The following TEX11 variants were observed in gnomAD, a reference collection of about 807,000 sequenced individuals.
The protein encoded by TEX11 is testis expressed 11.
In TEX11, 7 loss-of-function variants were observed where a neutral mutation model predicts 84.4. The observed-to-expected ratio is 0.08, with a 90% CI of 0.05 to 0.16. The LOEUF (loss-of-function observed/expected upper bound fraction) is 0.16. Among genes scored for constraint, TEX11 ranks in the 10% least tolerant of loss-of-function variants. TEX11 has a pLI of 1.00. For synonymous variants in TEX11, 264 were observed against 222.8 expected, an observed-to-expected ratio of 1.18 and a Z score of -1.64; for missense variants, 551 against 660.5, an observed-to-expected ratio of 0.83 and a Z score of 1.82.
At chrX:70,512,655 A>G in the TEX11 span, among the ~76,000 whole-genome samples, 4 of 108,928 alleles carry the variant, frequency 3.7e-5, no homozygotes, top group Admixed American at 3.9e-4. Flanking sequence ...TTCCCCTATC[A>G]GACTATAAGC....
chrX:70,594,487 A>G (rs1360011287), intron 24 of TEX11, among the ~76,000 whole-genome samples: 1 of 111,531 alleles, frequency 9.0e-6, no homozygotes, highest in Non-Finnish European at 1.9e-5. Flanking sequence ...TTTTAAAAAA[A>G]CAATATATAT....
At chrX:70,776,578 A>G (rs930994559) in intron 9 of TEX11, among the ~76,000 whole-genome samples, 14 of 109,960 alleles carry the variant, frequency 1.3e-4, no homozygotes, top group East Asian at 2.8e-4. Flanking sequence ...AAAAAAAAAA[A>G]AAGAAGAAGA....
chrX:70,591,808 G>A lies in TEX11; in HGVS notation c.2083C>T (p.Arg695Cys), dbSNP rs757962095. Residue 695 changes from arginine to cysteine, a missense_variant, in exon 25 of 30, where the codon CGT (arginine) becomes TGT (cysteine). Coordinates refer to ENST00000374333, the MANE Select transcript of TEX11 (RefSeq NM_031276.3). The stretch of plus-strand genomic sequence containing the variant: ...CATGTCTGGATCTCCTCAAGTGCAC[G>A]ACTCAGGAACATGGTCTGTTTGGCA... ...TAFEQTMFLS[R>C]ALEEIQTCND... The A allele has an allele frequency of 7.4e-6, 9 of 1,208,446 alleles. No individual in the cohort carries two copies. Among genetic ancestry groups the A allele is most frequent in the South Asian group, 3.5e-5 (2 of 56,384 alleles).
chrX:70,610,634 G>A (rs1361697390), intron 20 of TEX11, 91 bp from the exon 21 acceptor site: 2 of 945,163 alleles, frequency 2.1e-6, no homozygotes, highest in African/African-American at 3.9e-5. Context: ...CCTGAGAATT[G>A]AACTAAGAAA....
chrX:70,566,247 T>C (rs1363512884), intron 25 of TEX11, among the ~76,000 whole-genome samples: 1 of 100,915 alleles, frequency 9.9e-6, no homozygotes, highest in African/African-American at 3.7e-5. Flanking sequence ...TTTTTGTACA[T>C]TGATTTTGTA....
At chrX:70,857,571 T>C in intron 5 of TEX11, 1 of 262,384 alleles carries the variant, frequency 3.8e-6, no homozygotes, top group Non-Finnish European at 7.2e-6. Flanking sequence ...AGATTCAAGA[T>C]ATGTCATATA....
chrX:70,792,100 G>A (rs1207106611), intron 9 of TEX11, among the ~76,000 whole-genome samples: 1 of 92,199 alleles, frequency 1.1e-5, no homozygotes, highest in African/African-American at 4.0e-5. Flanking sequence ...ACTCCAGCAC[G>A]GGCAACAAGA....
chrX:70,859,136 T>C (rs1369360658), intron 5 of TEX11, among the ~76,000 whole-genome samples: 2 of 111,385 alleles, frequency 1.8e-5, no homozygotes, highest in Non-Finnish European at 3.8e-5. Context: ...TGATGATTAC[T>C]CTAACTGAGT....
chrX:70,658,601 C>T (rs2089896188), intron 16 of TEX11, among the ~76,000 whole-genome samples: 1 of 110,742 alleles, frequency 9.0e-6, no homozygotes, highest in African/African-American at 3.3e-5. Flanking sequence ...AAGTCAAAAA[C>T]AAGAAAAAAT....
intron 8 of TEX11, among the ~76,000 whole-genome samples, chrX:70,822,558 A>G (rs2091323451): frequency 8.9e-6 from 1 of 111,860 alleles, no homozygotes; most frequent in African/African-American, 3.2e-5. Context: ...CTATATACAC[A>G]CACACACACC....
intron 13 of TEX11, among the ~76,000 whole-genome samples, chrX:70,684,286 A>T (rs2090169909): frequency 8.9e-6 from 1 of 112,745 alleles, no homozygotes; most frequent in Non-Finnish European, 1.9e-5. Flanking sequence ...TTACAATAGC[A>T]TCAAAAATAT....
At chrX:70,737,356 C>A (rs2090703363) in intron 11 of TEX11, among the ~76,000 whole-genome samples, 1 of 110,291 alleles carries the variant, frequency 9.1e-6, no homozygotes, top group Admixed American at 9.8e-5. Context: ...CAAACTATGG[C>A]ACAACTTCAG....
intron 16 of TEX11, among the ~76,000 whole-genome samples, chrX:70,654,870 T>C (rs2089848414): frequency 9.0e-6 from 1 of 110,535 alleles, no homozygotes; most frequent in Non-Finnish European, 1.9e-5. Context: ...TGTAACTACA[T>C]GTTTTTTAGA....
intron 9 of TEX11, among the ~76,000 whole-genome samples, chrX:70,790,088 C>T (rs191872962): frequency 1.3e-3 from 150 of 111,825 alleles, no homozygotes; most frequent in South Asian, 2.7e-3. Context: ...CAACTGAACT[C>T]GTACAAGCAC....
intron 18 of TEX11, among the ~76,000 whole-genome samples, chrX:70,627,980 G>A (rs1356232610): frequency 9.0e-6 from 1 of 111,294 alleles, no homozygotes; most frequent in Non-Finnish European, 1.9e-5. Context: ...TGTAATCCCA[G>A]CACTTTGGGA....
At chrX:70,757,763 T>G (rs913228184) in intron 9 of TEX11, among the ~76,000 whole-genome samples, 3 of 111,370 alleles carry the variant, frequency 2.7e-5, no homozygotes, top group African/African-American at 9.8e-5. Context: ...TCAAATTCAC[T>G]CATAACAATA....
chrX:70,553,078 A>G (rs1248648107), intron 27 of TEX11, among the ~76,000 whole-genome samples: 3 of 112,383 alleles, frequency 2.7e-5, no homozygotes, highest in African/African-American at 9.7e-5. Flanking sequence ...CACACAAAGA[A>G]GCAACTTTTC....
intron 2 of TEX11, among the ~76,000 whole-genome samples, chrX:70,884,144 AT>A (rs1278759869): frequency 8.9e-6 from 1 of 112,824 alleles, no homozygotes; most frequent in Non-Finnish European, 1.9e-5. Context: ...TCTTCAATCT[AT>A]TCTGTAAGGA....
At chrX:70,639,219 A>C (rs1345819379) in intron 17 of TEX11, among the ~76,000 whole-genome samples, 1 of 111,916 alleles carries the variant, frequency 8.9e-6, no homozygotes, top group Non-Finnish European at 1.9e-5. Context: ...CACGGGCTTA[A>C]AAAACAGCGC....
Sources: allele counts gnomAD v4.1 joint callset (sites outside exome capture counted in the v4.1 genomes callset), GRCh38; gene constraint gnomAD v4.1.1; transcripts MANE v1.5; gene names NCBI Gene and HGNC (gene_info 2026-07-23, HGNC 2026-07-21).